Variants in ZNF287 observed in about 807,000 individuals in gnomAD.
ZNF287 encodes zinc finger protein with KRAB and SCAN domains 13.
ZNF287 carries 31 observed loss-of-function variants against 73.7 expected under a neutral mutation model. The ratio of observed to expected loss-of-function variants is 0.42; its 90% CI spans 0.32 to 0.57. The LOEUF (loss-of-function observed/expected upper bound fraction) is 0.57. Ranked by LOEUF, ZNF287 falls within the 20% of genes least tolerant of loss-of-function variation. The pLI, the probability that ZNF287 is intolerant of heterozygous loss-of-function variation, is 0.13. For missense variants in ZNF287, 641 were observed against 909.3 expected (o/e 0.70, Z 3.79); for synonymous variants, 301 against 307.2 (o/e 0.98, Z 0.21).
chr17:16,568,511 T>C (rs185937933), intron 1 of ZNF287, among the ~76,000 whole-genome samples: 17 of 152,320 alleles, frequency 1.1e-4, no homozygotes, highest in African/African-American at 3.8e-4. Flanking sequence ...TAAGTGCTTC[T>C]ATAGGAGACA....
rs75840215 is a variant in ZNF287, at chr17:16,548,939, G to T, written c.*2917C>A. On this transcript the variant is annotated 3_prime_UTR_variant, in exon 6 of 6. Transcript: ENST00000395825. The stretch of plus-strand genomic sequence containing the variant: ...TTCAGATATTAGGGAATTACTATTT[G>T]TTTTTTTTTTAAAGGTATGTAAATG... 2.8e-5 allele frequency among the ~76,000 whole-genome samples: 4 copies of T among 144,270 alleles called. No individual in the cohort carries two copies. The highest frequency in any genetic ancestry group is 2.0e-4 in the East Asian group (1 of 5,078). 94.6% of individuals were successfully genotyped at this position (144,270 alleles called of 152,430 possible). A position where few individuals can be genotyped will look rare whatever the true frequency, so the allele number is the denominator to read the frequency against.
In ZNF287 at chr17:16,550,960, TTAAC is replaced by T. The variant is rs1205530633; in HGVS notation, c.*892_*895del. On this transcript the variant is annotated 3_prime_UTR_variant, in exon 6 of 6. Coordinates refer to ENST00000395825, the MANE Select transcript of ZNF287 (RefSeq NM_020653.4). ...CTTGAGGCATTTAATTTTTGCCTGT[TTAAC>T]TAAATCTCTACACATCTAATGTTAT... Among the ~76,000 whole-genome samples, 7 of 152,288 alleles carry T rather than the reference TTAAC, an allele frequency of 4.6e-5. No individual in the cohort carries two copies. Among genetic ancestry groups the T allele is most frequent in the East Asian group, 3.9e-4 (2 of 5,188 alleles).
chr17:16,567,072 C>T (rs889466681), intron 2 of ZNF287, among the ~76,000 whole-genome samples: 4 of 152,128 alleles, frequency 2.6e-5, no homozygotes, highest in Admixed American at 6.5e-5. Context: ...TATTTCAAGA[C>T]GTTTTTCTTG....
rs1597474795 is a variant in ZNF287, at chr17:16,566,438, G to A, written c.501+87C>T. ...GCTTAAGTCCTTGATAGAGCTTCTG[G>A]GGGCACAGTAGTTATAGGGCCAGGT... is the stretch of plus-strand genomic sequence containing the variant. On this transcript the variant is annotated intron_variant, in intron 3 of 5. Transcript: ENST00000395825. The A allele has an allele frequency of 3.7e-6, 4 of 1,069,198 alleles. No homozygotes were observed. The East Asian group carries it at 1.0e-4, about 27-fold the overall frequency. The allele number at this position is 1,069,198 out of a possible 1,614,324, so 66.2% of individuals were successfully genotyped here. A position where few individuals can be genotyped will look rare whatever the true frequency, so the allele number is the denominator to read the frequency against.
At chr17:16,557,758 C>A in intron 5 of ZNF287, among the ~76,000 whole-genome samples, 1 of 152,020 alleles carries the variant, frequency 6.6e-6, no homozygotes, top group East Asian at 1.9e-4. Context: ...GGGGCCCAGC[C>A]AAGGAGAGGA....
At position 16,550,246 on chromosome 17, in the gene ZNF287, C is replaced by G. The variant is rs1597461042; in HGVS notation, c.*1610G>C. 6.6e-6 allele frequency among the ~76,000 whole-genome samples: 1 copy of G among 152,072 alleles called. No individual in the cohort carries two copies. The highest frequency in any genetic ancestry group is 1.5e-5 in the Non-Finnish European group (1 of 68,004). ...TTTCCTGACATGTTAAGAGTAATCTCTGTTTTACTTGTATGTATGAAGGAG... is the reference window on the plus strand; with the variant it reads ...TTTCCTGACATGTTAAGAGTAATCTGTGTTTTACTTGTATGTATGAAGGAG... On this transcript the variant is annotated 3_prime_UTR_variant, in exon 6 of 6. Coordinates refer to ENST00000395825, the MANE Select transcript of ZNF287 (RefSeq NM_020653.4).
intron 1 of ZNF287, chr17:16,568,590 G>A (rs765211887): frequency 2.0e-5 from 3 of 152,384 alleles, no homozygotes; most frequent in Non-Finnish European, 4.4e-5. Flanking sequence ...ATCTGGAGGA[G>A]AACCGACACC....
intron 5 of ZNF287, chr17:16,559,019 A>T (rs1020627625): frequency 6.6e-6 from 1 of 152,066 alleles, no homozygotes; most frequent in African/African-American, 2.4e-5. Context: ...AATAAAATAA[A>T]AAATGGAATA....
At chr17:16,562,639 T>A (rs1038474227) in intron 5 of ZNF287, among the ~76,000 whole-genome samples, 18 of 151,654 alleles carry the variant, frequency 1.2e-4, no homozygotes, top group African/African-American at 3.6e-4. Flanking sequence ...ATTTATATAT[T>A]TTTTTTGCTT....
Position 16,552,333 on chromosome 17 carries a change from C to A in ZNF287, c.1809G>T (p.Gln603His). 1 of 1,613,980 alleles carries A rather than the reference C, an allele frequency of 6.2e-7. No individual in the cohort carries two copies. The highest frequency in any genetic ancestry group is 1.1e-5 in the South Asian group (1 of 91,070). ...ICNICGKAFS[Q>H]SANLTQHHRT... ...TATGATGTTGAGTAAGATTTGCACT[C>A]TGGCTGAAGGCTTTCCCACATATAT... The change falls in exon 6 of 6, where the codon CAG (glutamine) becomes CAT (histidine). Residue 603 changes from glutamine to histidine, a missense_variant. Physicochemically the swap from Gln to His is conservative, Grantham distance 24 (BLOSUM62 0). Around this residue, in one of 2 missense-constraint regions of ZNF287, gnomAD observed 284 missense variants for 466.8 expected, o/e 0.61. Coordinates refer to ENST00000395825, the MANE Select transcript of ZNF287 (RefSeq NM_020653.4). This position sits in a 1 kb window ranked among gnomAD's most constrained non-coding sequence, Gnocchi z 6.5.
intron 5 of ZNF287, among the ~76,000 whole-genome samples, chr17:16,561,086 C>T (rs916963076): frequency 3.3e-5 from 5 of 151,908 alleles, no homozygotes; most frequent in African/African-American, 7.3e-5. Context: ...GAGGCCAAGG[C>T]GGGTGGATCA....
chr17:16,568,856 C>T (rs2142514406), intron 1 of ZNF287, 96 bp downstream of exon 1: 1 of 152,508 alleles, frequency 6.6e-6, no homozygotes, highest in African/African-American at 2.4e-5. Context: ...CGTCTTTGCC[C>T]TCCCGCAAGC....
In ZNF287 at chr17:16,563,153, AG is replaced by A; in HGVS notation, c.707del (p.Pro236LeufsTer31). The A allele has an allele frequency of 6.2e-7, 1 of 1,612,036 alleles. No homozygotes were observed. The highest frequency in any genetic ancestry group is 1.1e-5 in the South Asian group (1 of 90,996). On this transcript the variant is annotated frameshift_variant, in exon 5 of 6. Transcript: ENST00000395825. LOFTEE classifies it high-confidence loss of function. ...WMVIKEILEG[P>X]SPEWETKAQA... ...GCGCTTTTTGTTTCTCACCTGGACT[AG>A]GGCCTTCTAAAATTTCTTTTATCAC...
In ZNF287 at chr17:16,566,622, G is replaced by T. The variant is rs764090468; in HGVS notation, c.404C>A (p.Ala135Asp). The change falls in exon 3 of 6, where the codon GCT (alanine) becomes GAT (aspartate). Residue 135 changes from alanine to aspartate, a missense_variant and splice_region_variant. Ala to Asp is a moderately radical substitution (Grantham distance 126). Transcript: ENST00000395825. ...EDLTQILEEE[A>D]PQNSTLSQDT... ...TTGGGAAAGGGTAGAGTTTTGAGGA[G>T]CTAGAGAAGAGAAAGAGGTCATGAG... The T allele has an allele frequency of 1.2e-6, 2 of 1,608,736 alleles. No individual in the cohort carries two copies. The highest frequency in any genetic ancestry group is 4.5e-5 in the East Asian group (2 of 44,468).
intron 5 of ZNF287, among the ~76,000 whole-genome samples, chr17:16,560,775 G>A (rs937096586): frequency 1.1e-4 from 16 of 151,948 alleles, no homozygotes; most frequent in African/African-American, 3.9e-4. Flanking sequence ...AGGCCGAGGC[G>A]GGTGGATCAC....
chr17:16,562,733 A>G (rs2142495647), intron 5 of ZNF287, among the ~76,000 whole-genome samples: 1 of 152,280 alleles, frequency 6.6e-6, no homozygotes, highest in African/African-American at 2.4e-5. Flanking sequence ...GATGATTTAG[A>G]AAAGTGAAGG....
chr17:16,548,724 T>C lies in ZNF287; in HGVS notation c.*3132A>G, dbSNP rs1199238836. Among the ~76,000 whole-genome samples the C allele has an allele frequency of 3.9e-5, 6 of 152,002 alleles. No individual in the cohort carries two copies. Among genetic ancestry groups the C allele is most frequent in the Admixed American group, 1.3e-4 (2 of 15,260 alleles). ...CTGAGGCAGGAGAATGGCGTGAACC[T>C]GGGAGGCGGACCTTGCAGTGAGCCG... On this transcript the variant is annotated 3_prime_UTR_variant, in exon 6 of 6. Transcript: ENST00000395825.
intron 5 of ZNF287, chr17:16,559,088 T>C (rs1907256270): frequency 6.6e-6 from 1 of 152,036 alleles, no homozygotes; most frequent in Non-Finnish European, 1.5e-5. Context: ...GAAGATAATA[T>C]ATTAATAATT....
rs1906755736 is a variant in ZNF287, at chr17:16,552,651, A to G, written c.1491T>C (p.Asn497=). The G allele has an allele frequency of 1.2e-6, 2 of 1,614,040 alleles. No individual in the cohort carries two copies. The highest frequency in any genetic ancestry group is 1.7e-6 in the Non-Finnish European group (2 of 1,179,990). Residue 497 remains asparagine (N), a synonymous_variant, in exon 6 of 6, where the codon AAT becomes AAC. Transcript: ENST00000395825. The surrounding 1 kb of genome is among the most constrained non-coding windows in gnomAD (Gnocchi z 6.5). ...TTTCTCCAGTATGAACTCTCTGATG[A>G]TTAATCAGTGATGAACTATGACTGA... ...KTFSHSSSLI[N]HQRVHTGEKP...
Sources: allele counts gnomAD v4.1 joint callset (sites outside exome capture counted in the v4.1 genomes callset), GRCh38; gene constraint gnomAD v4.1.1; regional missense constraint gnomAD v4.1.1; non-coding constraint Gnocchi (gnomAD v3.1); transcripts MANE v1.5; gene names NCBI Gene and HGNC (gene_info 2026-07-23, HGNC 2026-07-21).